PYGO1: variants seen among roughly 807,000 people sequenced by gnomAD.
PYGO1 encodes the protein pygopus family PHD finger 1.
Under a neutral mutation model 29.5 loss-of-function variants are expected in PYGO1, and 6 were observed. The observed-to-expected ratio is 0.20, with a 90% CI of 0.11 to 0.40. PYGO1 has a LOEUF of 0.40. PYGO1 is among the 10% of genes least tolerant of loss of function. The probability of loss-of-function intolerance (pLI) is 1.00; values close to 1 mark genes in which losing one functional copy is unlikely to be tolerated. For missense variants in PYGO1, 515 were observed against 514.9 expected (o/e 1.00, Z 0.00); for synonymous variants, 186 against 180.5 (o/e 1.03, Z -0.24).
chr15:55,557,285 T>C (rs2058910527), intron 1 of PYGO1, among the ~76,000 whole-genome samples: 2 of 152,038 alleles, frequency 1.3e-5, no homozygotes, highest in Non-Finnish European at 2.9e-5. Flanking sequence ...CTCCCAAGAC[T>C]AAACCAGGAA....
At chr15:55,587,688 C>G (rs1187829828) in intron 1 of PYGO1, 147 bp downstream of exon 1, 1 of 1,164,582 alleles carries the variant, frequency 8.6e-7, no homozygotes, top group Non-Finnish European at 1.1e-6. Context: ...GCGCTCGGAT[C>G]GCAGCCTCGG....
At chr15:55,553,411 T>A (rs2058888813) in intron 1 of PYGO1, among the ~76,000 whole-genome samples, 1 of 152,084 alleles carries the variant, frequency 6.6e-6, no homozygotes, top group Admixed American at 6.5e-5. Flanking sequence ...TTTTTTTTTT[T>A]TTTAAGAAGG....
At chr15:55,557,115 AAG>A in intron 1 of PYGO1, among the ~76,000 whole-genome samples, 1 of 152,120 alleles carries the variant, frequency 6.6e-6, no homozygotes, top group East Asian at 1.9e-4. Flanking sequence ...TAAAGAAGAA[AAG>A]AGAGAAAAAT....
chr15:55,588,752 A>G, upstream of PYGO1: 1 of 1,585,322 alleles, frequency 6.3e-7, no homozygotes, highest in Non-Finnish European at 8.7e-7. Flanking sequence ...GTCGGAGGCC[A>G]CAGCAGCAGG....
chr15:55,578,809 G>A (rs1260214565), intron 1 of PYGO1, among the ~76,000 whole-genome samples: 1 of 152,082 alleles, frequency 6.6e-6, no homozygotes, highest in Non-Finnish European at 1.5e-5. Context: ...TATTTTTACT[G>A]ACAGTATCCC....
At chr15:55,562,749 T>C (rs1337377673) in intron 1 of PYGO1, among the ~76,000 whole-genome samples, 2 of 151,776 alleles carry the variant, frequency 1.3e-5, no homozygotes, top group East Asian at 1.9e-4. Context: ...TCAATCCAAA[T>C]GCTCATCAAT....
At chr15:55,582,376 A>C (rs1016556368) in intron 1 of PYGO1, among the ~76,000 whole-genome samples, 4 of 152,072 alleles carry the variant, frequency 2.6e-5, no homozygotes, top group African/African-American at 9.7e-5. Context: ...ACACATTAAA[A>C]ACAAAATTCA....
At chr15:55,587,592 T>C (rs1289774505) in intron 1 of PYGO1, among the ~76,000 whole-genome samples, 1 of 151,952 alleles carries the variant, frequency 6.6e-6, no homozygotes, top group Non-Finnish European at 1.5e-5. Flanking sequence ...AGGATGCTGC[T>C]TGCGGCTCCA....
At chr15:55,558,460 T>C (rs186140912) in intron 1 of PYGO1, among the ~76,000 whole-genome samples, 1 of 152,280 alleles carries the variant, frequency 6.6e-6, no homozygotes, top group African/African-American at 2.4e-5. Flanking sequence ...CCCATCAAGC[T>C]ACCAATGACT....
intron 1 of PYGO1, among the ~76,000 whole-genome samples, chr15:55,554,468 C>CA (rs56216226): frequency 0.012 from 1,471 of 122,546 alleles, 59 homozygotes; most frequent in African/African-American, 0.044. Context: ...GACTCTGTCT[C>CA]AAAAAAAAAA....
intron 2 of PYGO1, among the ~76,000 whole-genome samples, chr15:55,548,073 G>A (rs1388312863): frequency 6.6e-6 from 1 of 152,078 alleles, no homozygotes; most frequent in Non-Finnish European, 1.5e-5. Flanking sequence ...AGGCTGGAGT[G>A]CAGTGGCGTG....
intron 1 of PYGO1, among the ~76,000 whole-genome samples, chr15:55,563,755 G>C (rs1450851290): frequency 2.0e-5 from 3 of 152,086 alleles, no homozygotes; most frequent in African/African-American, 4.8e-5. Context: ...CCCAGCCAAA[G>C]GTTTTGAACA....
At position 55,546,539 on chromosome 15, in the gene PYGO1, G is replaced by A. The variant is rs2058851713; in HGVS notation, c.744C>T (p.Asn248=). ...KQDFTQGATK[N]TNQNSSAHPP... ...GATGAGCAGAGGAATTTTGATTAGT[G>A]TTTTTGGTTGCTCCTTGAGTAAAGT... Residue 248 remains asparagine, a synonymous_variant, in exon 3 of 3, where the codon AAC becomes AAT. Transcript: ENST00000563719. The A allele has an allele frequency of 6.2e-7, 1 of 1,614,042 alleles. No individual in the cohort carries two copies. Among genetic ancestry groups the A allele is most frequent in the South Asian group, 1.1e-5 (1 of 91,070 alleles).
chr15:55,578,800 A>G (rs892453544), intron 1 of PYGO1, among the ~76,000 whole-genome samples: 2 of 152,110 alleles, frequency 1.3e-5, no homozygotes, highest in African/African-American at 2.4e-5. Context: ...CGGGTTGTCT[A>G]TTTTTACTGA....
chr15:55,555,387 G>C (rs1384223695), intron 1 of PYGO1, among the ~76,000 whole-genome samples: 4 of 151,760 alleles, frequency 2.6e-5, no homozygotes, highest in African/African-American at 9.7e-5. Flanking sequence ...AAAAACTGTT[G>C]CCAGCCAGTA....
At chr15:55,556,467 G>C (rs1204927355) in intron 1 of PYGO1, among the ~76,000 whole-genome samples, 2 of 152,228 alleles carry the variant, frequency 1.3e-5, no homozygotes, top group South Asian at 4.1e-4. Context: ...AAGAGACAAT[G>C]TACCAGAATC....
chr15:55,587,780 GCC>G, intron 1 of PYGO1, 53 bp downstream of exon 1: 1 of 1,457,128 alleles, frequency 6.9e-7, no homozygotes, highest in Non-Finnish European at 9.1e-7. Context: ...CGGGCACGGG[GCC>G]CCGCGCACCT....
At chr15:55,549,589 G>C (rs1043497972) in intron 1 of PYGO1, among the ~76,000 whole-genome samples, 7 of 152,146 alleles carry the variant, frequency 4.6e-5, no homozygotes, top group Admixed American at 1.3e-4. Flanking sequence ...ATGTATAAAT[G>C]CCTTTAGAGA....
intron 1 of PYGO1, among the ~76,000 whole-genome samples, chr15:55,572,473 A>T (rs1000447613): frequency 6.6e-6 from 1 of 152,166 alleles, no homozygotes; most frequent in African/African-American, 2.4e-5. Context: ...AGAGGAAAAA[A>T]CTTCCTTGAC....
Sources: gnomAD v4.1 joint callset for allele counts (sites outside exome capture counted in the v4.1 genomes callset) on GRCh38, gnomAD v4.1.1 for gene constraint, MANE v1.5 for transcripts, NCBI Gene and HGNC (gene_info 2026-07-23, HGNC 2026-07-21) for gene names.